The following PRKCH variants were observed in gnomAD, a reference collection of about 807,000 sequenced individuals.
PRKCH encodes protein kinase C eta, also known as protein kinase C eta type.
A neutral mutation model predicts 82.5 loss-of-function variants in PRKCH; 28 were observed. The observed-to-expected ratio is 0.34, with a 90% CI of 0.25 to 0.47. The LOEUF is 0.47. Ranked by LOEUF, PRKCH falls within the 20% of genes least tolerant of loss-of-function variation. PRKCH has a pLI of 1.00. For missense variants in PRKCH, 705 were observed against 881.8 expected (o/e 0.80, Z 2.54); for synonymous variants, 322 against 327.4 (o/e 0.98, Z 0.18).
intron 1 of PRKCH, among the ~76,000 whole-genome samples, chr14:61,297,281 G>C (rs897087842): frequency 2.0e-5 from 3 of 152,180 alleles, no homozygotes; most frequent in African/African-American, 7.2e-5. Flanking sequence ...TTATTAAGGA[G>C]AAATCCAGAA....
Position 61,322,118 on chromosome 14 carries a change from T to G in PRKCH, c.17T>G (p.Met6Arg). 1.3e-6 allele frequency: 2 copies of G among 1,575,800 alleles called. No individual in the cohort carries two copies. Among genetic ancestry groups the G allele is most frequent in the Non-Finnish European group, 1.7e-6 (2 of 1,158,138 alleles). ...GGCGCCGGCATGTCGTCTGGCACCATGAAGTTCAATGGCTATTTGAGGGTC... is the reference window on the plus strand; with the variant it reads ...GGCGCCGGCATGTCGTCTGGCACCAGGAAGTTCAATGGCTATTTGAGGGTC... The part of the protein sequence containing the change: MSSGT[M>R]KFNGYLRVRI... The change falls in exon 1 of 14, where the codon ATG (methionine) becomes AGG (arginine). Residue 6 changes from methionine to arginine, a missense_variant. Physicochemically the swap from Met to Arg is moderately conservative, Grantham distance 91. Transcript: ENST00000332981.
intron 2 of PRKCH, among the ~76,000 whole-genome samples, chr14:61,407,363 G>A (rs1009757224): frequency 6.6e-6 from 1 of 152,130 alleles, no homozygotes; most frequent in African/African-American, 2.4e-5. Context: ...TGGTTCCTTG[G>A]GATCCACCCA....
intron 1 of PRKCH, among the ~76,000 whole-genome samples, chr14:61,361,668 A>G (rs759196055): frequency 4.7e-4 from 72 of 152,214 alleles, no homozygotes; most frequent in Admixed American, 2.5e-3. Flanking sequence ...GCTTGGACAA[A>G]TTGTTTAAAC....
At chr14:61,450,160 A>G (rs145521090) in intron 5 of PRKCH, among the ~76,000 whole-genome samples, 20 of 152,322 alleles carry the variant, frequency 1.3e-4, no homozygotes, top group African/African-American at 4.8e-4. Context: ...AAGAGGCCAT[A>G]AAAGTTTCAA....
chr14:61,218,846 C>T lies in PRKCH; in HGVS notation c.-19+31178C>T, dbSNP rs146906858. On this transcript the variant is annotated intron_variant, in intron 1 of 3. Transcript: ENST00000555185. Reference sequence around the variant, plus strand: ...CCCACCTAACTGAGGCTTTGTAACCCGATGCTCTATAAAGAGCTTTTCCAC... The same window carrying T: ...CCCACCTAACTGAGGCTTTGTAACCTGATGCTCTATAAAGAGCTTTTCCAC... 3.9e-3 allele frequency among the ~76,000 whole-genome samples: 591 copies of T among 152,234 alleles called. 8 individuals are homozygous for T. The highest frequency in any genetic ancestry group is 0.013 in the African/African-American group (549 of 41,544).
intron 2 of PRKCH, among the ~76,000 whole-genome samples, chr14:61,416,102 T>G (rs1192564325): frequency 3.6e-5 from 5 of 139,892 alleles, no homozygotes; most frequent in African/African-American, 1.3e-4. Flanking sequence ...TCACCCTGGT[T>G]GGTGCAGTGG....
intron 1 of PRKCH, among the ~76,000 whole-genome samples, chr14:61,241,951 GTGT>G (rs1480734070): frequency 6.6e-6 from 1 of 152,138 alleles, no homozygotes. Context: ...GGAGATTAAC[GTGT>G]TGTTCCCAGT....
chr14:61,215,055 AT>A (rs1301939230), intron 1 of PRKCH, among the ~76,000 whole-genome samples: 2 of 151,990 alleles, frequency 1.3e-5, no homozygotes, highest in Non-Finnish European at 2.9e-5. Context: ...CTTGTTTCTT[AT>A]TTTCCCTGGG....
chr14:61,291,512 T>C (rs940411066), intron 1 of PRKCH, among the ~76,000 whole-genome samples: 1 of 152,124 alleles, frequency 6.6e-6, no homozygotes, highest in Admixed American at 6.6e-5. Context: ...GTATTTTTAG[T>C]AGAGACGAGG....
chr14:61,398,738 T>C (rs1056884601), intron 2 of PRKCH, among the ~76,000 whole-genome samples: 1 of 152,138 alleles, frequency 6.6e-6, no homozygotes, highest in African/African-American at 2.4e-5. Flanking sequence ...CACCATGGGA[T>C]GTAATCAGCA....
chr14:61,458,581 C>G (rs1037161837), intron 9 of PRKCH, among the ~76,000 whole-genome samples: 4 of 152,190 alleles, frequency 2.6e-5, no homozygotes, highest in Admixed American at 2.6e-4. Flanking sequence ...CCCTGTATGT[C>G]TGTTCTCACA....
intron 5 of PRKCH, 104 bp downstream of exon 5, chr14:61,449,356 T>A (rs1219637691): frequency 1.0e-6 from 1 of 972,140 alleles, no homozygotes; most frequent in Non-Finnish European, 1.6e-6. Flanking sequence ...CTCTTTTCCT[T>A]CTCCCCGTCC....
intron 9 of PRKCH, among the ~76,000 whole-genome samples, chr14:61,475,431 G>T (rs940747732): frequency 7.2e-5 from 11 of 152,166 alleles, no homozygotes; most frequent in South Asian, 2.1e-4. Flanking sequence ...ACCACTAGGG[G>T]GTGCTCTAAA....
chr14:61,528,598 C>CATT (rs1397760208), intron 10 of PRKCH, among the ~76,000 whole-genome samples: 1 of 148,892 alleles, frequency 6.7e-6, no homozygotes, highest in Non-Finnish European at 1.5e-5. Flanking sequence ...ATTTGTCTCC[C>CATT]ATTACACTGT....
chr14:61,547,423 C>T (rs1331426091), intron 12 of PRKCH, among the ~76,000 whole-genome samples: 2 of 152,194 alleles, frequency 1.3e-5, no homozygotes, highest in African/African-American at 2.4e-5. Context: ...GAAAGGCACA[C>T]TGTTATAAAG....
chr14:61,210,112 A>G (rs1273673762), intron 1 of PRKCH, among the ~76,000 whole-genome samples: 916 of 6,164 alleles, frequency 0.15, 24 homozygotes, highest in African/African-American at 0.41. Context: ...AAACAAACAA[A>G]TATATATATA....
At chr14:61,393,069 G>C (rs544211647) in intron 2 of PRKCH, among the ~76,000 whole-genome samples, 7 of 151,938 alleles carry the variant, frequency 4.6e-5, no homozygotes, top group Admixed American at 1.3e-4. Context: ...GTCTGTTTCT[G>C]GATTATCTGT....
At chr14:61,529,333 GCCGACAC>G (rs2043014182) in intron 11 of PRKCH, 120 bp downstream of exon 11, 2 of 1,245,082 alleles carry the variant, frequency 1.6e-6, no homozygotes, top group South Asian at 1.6e-5. Context: ...GGTGTCTAGA[GCCGACAC>G]CTCTAGACTC....
At chr14:61,245,437 G>A (rs558389936) in intron 1 of PRKCH, among the ~76,000 whole-genome samples, 286 of 152,328 alleles carry the variant, frequency 1.9e-3, no homozygotes, top group South Asian at 5.2e-3. Flanking sequence ...ATCAGCAGAG[G>A]AATGGCAGGA....
Sources: gnomAD v4.1 joint callset for allele counts (sites outside exome capture counted in the v4.1 genomes callset) on GRCh38, gnomAD v4.1.1 for gene constraint, MANE v1.5 for transcripts, NCBI Gene and HGNC (gene_info 2026-07-23, HGNC 2026-07-21) for gene names.